Variants in NEK10 observed in about 807,000 individuals in gnomAD.
NEK10 encodes NIMA related kinase 10, also known as serine/threonine-protein kinase Nek10.
In NEK10, 122 loss-of-function variants were observed where a neutral mutation model predicts 159.8. That is an observed-to-expected ratio of 0.76 (90% CI 0.66 to 0.89). NEK10 has a LOEUF of 0.89. Among genes scored for constraint, NEK10 ranks in the 40% least tolerant of loss-of-function variants. The pLI, the probability that NEK10 is intolerant of heterozygous loss-of-function variation, is 0.00. For synonymous variants in NEK10, 466 were observed against 457.1 expected, an observed-to-expected ratio of 1.02 and a Z score of -0.25; for missense variants, 1,342 against 1,323.1, an observed-to-expected ratio of 1.01 and a Z score of -0.22.
intron 22 of NEK10, among the ~76,000 whole-genome samples, chr3:27,279,619 A>T (rs1192600099): frequency 6.6e-6 from 1 of 152,252 alleles, no homozygotes; most frequent in Non-Finnish European, 1.5e-5. Context: ...TTTTTAAAGA[A>T]TGACATCAAA....
At chr3:27,152,604 A>G (rs1384154416) in intron 30 of NEK10, among the ~76,000 whole-genome samples, 1 of 151,434 alleles carries the variant, frequency 6.6e-6, no homozygotes, top group Admixed American at 6.6e-5. Flanking sequence ...CCAAAAAACA[A>G]AAAAAAAACA....
intron 14 of NEK10, 106 bp from the exon 15 acceptor site, chr3:27,295,796 T>C (rs183354457): frequency 8.7e-5 from 118 of 1,361,616 alleles, no homozygotes; most frequent in Admixed American, 1.2e-4. Flanking sequence ...GAAGAAATAT[T>C]AGTATAACTA....
intron 5 of NEK10, among the ~76,000 whole-genome samples, chr3:27,323,994 T>C (rs1312243302): frequency 1.3e-5 from 2 of 152,200 alleles, no homozygotes; most frequent in African/African-American, 2.4e-5. Flanking sequence ...ACCTCTCACT[T>C]AGATTTAAAC....
intron 4 of NEK10, among the ~76,000 whole-genome samples, chr3:27,345,192 G>A (rs1305559471): frequency 2.6e-5 from 4 of 152,114 alleles, no homozygotes; most frequent in African/African-American, 4.8e-5. Flanking sequence ...ACCTTATGTT[G>A]CCATGCGTAA....
intron 23 of NEK10, among the ~76,000 whole-genome samples, chr3:27,213,559 A>G (rs938932057): frequency 1.3e-5 from 2 of 152,174 alleles, no homozygotes; most frequent in African/African-American, 4.8e-5. Context: ...GAATCCATGG[A>G]CCCATCCTGT....
chr3:27,166,995 C>T (rs1946545981), intron 29 of NEK10, among the ~76,000 whole-genome samples: 1 of 151,966 alleles, frequency 6.6e-6, no homozygotes, highest in South Asian at 2.1e-4. Context: ...AGCACACTGC[C>T]AAATACAATT....
At chr3:27,121,637 T>C (rs943577170) in intron 32 of NEK10, among the ~76,000 whole-genome samples, 70 of 152,332 alleles carry the variant, frequency 4.6e-4, no homozygotes, top group African/African-American at 1.6e-3. Flanking sequence ...TTGTGAGGCT[T>C]CCCCAGCCAC....
At chr3:27,113,775 A>C (rs760362135) in intron 35 of NEK10, among the ~76,000 whole-genome samples, 2 of 152,206 alleles carry the variant, frequency 1.3e-5, no homozygotes, top group Non-Finnish European at 2.9e-5. Flanking sequence ...TAAATTCCAA[A>C]ATAAGACAAA....
intron 23 of NEK10, among the ~76,000 whole-genome samples, chr3:27,218,974 C>T (rs1050040522): frequency 6.6e-6 from 1 of 152,330 alleles, no homozygotes; most frequent in African/African-American, 2.4e-5. Flanking sequence ...CATACAACCA[C>T]CTATGTTCTC....
At chr3:27,127,349 C>A (rs1471106726) in intron 32 of NEK10, among the ~76,000 whole-genome samples, 1 of 152,136 alleles carries the variant, frequency 6.6e-6, no homozygotes, top group Non-Finnish European at 1.5e-5. Flanking sequence ...TGCTTAACAA[C>A]AGAAATCCAT....
At chr3:27,287,814 T>A in intron 19 of NEK10, 71 bp from the exon 20 acceptor site, 1 of 1,407,566 alleles carries the variant, frequency 7.1e-7, no homozygotes, top group East Asian at 2.7e-5. Flanking sequence ...GACTACTTAG[T>A]TGGACTTCAT....
At chr3:27,244,597 A>C (rs187676856) in intron 23 of NEK10, among the ~76,000 whole-genome samples, 52 of 152,244 alleles carry the variant, frequency 3.4e-4, no homozygotes, top group African/African-American at 9.1e-4. Context: ...TAACCAGTAG[A>C]GCCTATCCCA....
At chr3:27,364,491 G>A (rs1233857109) in intron 1 of NEK10, among the ~76,000 whole-genome samples, 1 of 151,914 alleles carries the variant, frequency 6.6e-6, no homozygotes, top group East Asian at 1.9e-4. Flanking sequence ...GCCTCCCGAA[G>A]TGCTGGGATT....
chr3:27,148,668 T>C (rs563065224), intron 30 of NEK10, among the ~76,000 whole-genome samples: 1 of 152,314 alleles, frequency 6.6e-6, no homozygotes, highest in South Asian at 2.1e-4. Context: ...AGGGTGATGC[T>C]TTTCGCTGTT....
In NEK10 at chr3:27,110,603, T is replaced by G. The variant is rs1939410527; in HGVS notation, c.*669A>C. The G allele has an allele frequency of 6.6e-6, 1 of 152,076 alleles. No homozygotes were observed. The highest frequency in any genetic ancestry group is 2.4e-5 in the African/African-American group (1 of 41,418). 9.4% of individuals were successfully genotyped at this position (152,076 alleles called of 1,614,324 possible). ...CAGCAATATATTCTATTAGTCTAAGTTAAATCTGACAGTTTGACAGTTACC... is the reference window on the plus strand; with the variant it reads ...CAGCAATATATTCTATTAGTCTAAGGTAAATCTGACAGTTTGACAGTTACC... On this transcript the variant is annotated 3_prime_UTR_variant, in exon 36 of 36. Transcript: ENST00000691995.
chr3:27,311,155 G>A, intron 8 of NEK10, 139 bp from the exon 9 acceptor site: 1 of 505,498 alleles, frequency 2.0e-6, no homozygotes, highest in Non-Finnish European at 3.5e-6. Context: ...ACAGATGCAG[G>A]AGCAGCATGG....
chr3:27,173,047 C>T (rs1251415641), intron 28 of NEK10, among the ~76,000 whole-genome samples: 2 of 152,092 alleles, frequency 1.3e-5, no homozygotes, highest in East Asian at 1.9e-4. Context: ...TACTGAATTT[C>T]GGTTACCTGA....
chr3:27,226,753 T>A (rs576018455), intron 23 of NEK10, among the ~76,000 whole-genome samples: 1 of 152,176 alleles, frequency 6.6e-6, no homozygotes, highest in Non-Finnish European at 1.5e-5. Flanking sequence ...GAAAAAAAGA[T>A]ATATGAAAAA....
chr3:27,126,242 T>G (rs140184699), intron 32 of NEK10, among the ~76,000 whole-genome samples: 1 of 152,052 alleles, frequency 6.6e-6, no homozygotes, highest in Non-Finnish European at 1.5e-5. Context: ...AAACAGAGAT[T>G]AGGAACTAAA....
Sources: gnomAD v4.1 joint callset for allele counts (sites outside exome capture counted in the v4.1 genomes callset) on GRCh38, gnomAD v4.1.1 for gene constraint, MANE v1.5 for transcripts, NCBI Gene and HGNC (gene_info 2026-07-23, HGNC 2026-07-21) for gene names.